CAMTA1: variants seen among roughly 807,000 people sequenced by gnomAD.
CAMTA1 encodes the protein calmodulin-binding transcription activator 1.
In CAMTA1, 27 loss-of-function variants were observed where a neutral mutation model predicts 170.9. The observed-to-expected ratio is 0.16, with a 90% CI of 0.12 to 0.22. CAMTA1 has a LOEUF of 0.22. Ranked by LOEUF, CAMTA1 falls within the 10% of genes least tolerant of loss-of-function variation. The pLI is 1.00. For missense variants in CAMTA1, 1,619 were observed against 2,217.2 expected, an observed-to-expected ratio of 0.73 and a Z score of 5.42; for synonymous variants, 833 against 891.5, an observed-to-expected ratio of 0.93 and a Z score of 1.17.
intron 1 of CAMTA1, among the ~76,000 whole-genome samples, chr1:6,809,117 C>T (rs1050529350): frequency 9.2e-5 from 14 of 151,690 alleles, no homozygotes; most frequent in African/African-American, 3.4e-4. Flanking sequence ...ACATCCACCT[C>T]TCAGGTTCAA....
At chr1:6,915,585 GA>G (rs1680603207) in intron 3 of CAMTA1, among the ~76,000 whole-genome samples, 1 of 152,196 alleles carries the variant, frequency 6.6e-6, no homozygotes, top group African/African-American at 2.4e-5. Flanking sequence ...AGAGAGAGTG[GA>G]CAACGTGGTC....
intron 11 of CAMTA1, among the ~76,000 whole-genome samples, chr1:7,691,756 G>A (rs2096315163): frequency 6.6e-6 from 1 of 152,210 alleles, no homozygotes; most frequent in Non-Finnish European, 1.5e-5. Context: ...GCGAGAGAGA[G>A]AGAGAAAGAG....
rs1044300449 is a variant in CAMTA1 at position 7,010,372 on chromosome 1, T to A, written c.235-80932T>A. The stretch of plus-strand genomic sequence containing the variant: ...GTTGAGCTCAGCTGTGCTCAGTGAC[T>A]TTGGGCCACGGGCTGTGGCGTCACA... On this transcript the variant is annotated intron_variant, in intron 3 of 22. Coordinates refer to ENST00000303635, the MANE Select transcript of CAMTA1 (RefSeq NM_015215.4). The surrounding 1 kb of genome is among the most constrained non-coding windows in gnomAD (Gnocchi z 4.4). Among the ~76,000 whole-genome samples, 4 of 152,188 alleles carry A rather than the reference T, an allele frequency of 2.6e-5. No individual in the cohort carries two copies. Among genetic ancestry groups the A allele is most frequent in the Admixed American group, 6.5e-5 (1 of 15,274 alleles).
At chr1:7,432,950 C>A (rs1318325165) in intron 5 of CAMTA1, among the ~76,000 whole-genome samples, 1 of 152,210 alleles carries the variant, frequency 6.6e-6, no homozygotes, top group Non-Finnish European at 1.5e-5. Context: ...AGGTTCTGCA[C>A]CGGGGCCAGC....
rs1645457878 is a variant in CAMTA1 at position 6,813,745 on chromosome 1, C to G, written c.46-6436C>G. On this transcript the variant is annotated intron_variant, in intron 1 of 22. Coordinates refer to ENST00000303635, the MANE Select transcript of CAMTA1 (RefSeq NM_015215.4). ...CAAACAGTCCTCCCGCCTCAGCCTC[C>G]CAGGTAGCTGGGACTACAGGTTCGA... 2.0e-5 allele frequency among the ~76,000 whole-genome samples: 3 copies of G among 152,054 alleles called. No homozygotes were observed. The South Asian group carries it at 6.2e-4, about 32-fold the overall frequency.
intron 5 of CAMTA1, among the ~76,000 whole-genome samples, chr1:7,444,042 G>A (rs1171235976): frequency 6.6e-6 from 1 of 152,174 alleles, no homozygotes; most frequent in Non-Finnish European, 1.5e-5. Flanking sequence ...CTGGGGCTGG[G>A]AGCAGGGAAA....
chr1:7,636,585 T>C (rs922765383), intron 6 of CAMTA1, among the ~76,000 whole-genome samples: 10 of 152,052 alleles, frequency 6.6e-5, no homozygotes, highest in African/African-American at 1.9e-4. Flanking sequence ...GGCAGATGCC[T>C]GTAATCCCAG....
chr1:7,639,576 C>T (rs748653485), intron 6 of CAMTA1, among the ~76,000 whole-genome samples: 8 of 152,064 alleles, frequency 5.3e-5, no homozygotes, highest in Non-Finnish European at 8.8e-5. Context: ...AGTTCAAGAC[C>T]AGCCTGGCCA....
intron 5 of CAMTA1, among the ~76,000 whole-genome samples, chr1:7,301,030 A>G (rs55839439): frequency 6.2e-4 from 95 of 152,116 alleles, no homozygotes; most frequent in Non-Finnish European, 1.3e-3. Context: ...TGCACTTTCT[A>G]AATATGAGTC....
intron 11 of CAMTA1, among the ~76,000 whole-genome samples, chr1:7,726,658 C>CT (rs375686167): frequency 5.3e-5 from 8 of 152,318 alleles, no homozygotes; most frequent in African/African-American, 1.9e-4. Context: ...AAACAGGCCT[C>CT]TGTGCACCTC....
At chr1:7,458,001 G>C (rs781505813) in intron 5 of CAMTA1, among the ~76,000 whole-genome samples, 1 of 152,146 alleles carries the variant, frequency 6.6e-6, no homozygotes, top group Non-Finnish European at 1.5e-5. Context: ...GGGCGCCCAC[G>C]TGTCCTGCGC....
intron 4 of CAMTA1, among the ~76,000 whole-genome samples, chr1:7,212,024 T>C (rs1658864533): frequency 6.6e-6 from 1 of 152,146 alleles, no homozygotes; most frequent in South Asian, 2.1e-4. Flanking sequence ...AAATCCTAAA[T>C]ATATATAAAA....
rs117472202 is a variant in CAMTA1, at chr1:7,021,228, C to T, written c.235-70076C>T. On this transcript the variant is annotated intron_variant, in intron 3 of 22. Transcript: ENST00000303635. ...AACGTGGCCGTGATGAATTGTGCTC[C>T]GGCAGGGCCTCGGCAGTGAAAAATG... Among the ~76,000 whole-genome samples, 291 of 152,302 alleles carry T rather than the reference C, an allele frequency of 1.9e-3. 8 individuals carry two copies. The South Asian group carries it at 0.042, about 22-fold the overall frequency.
intron 4 of CAMTA1, among the ~76,000 whole-genome samples, chr1:7,105,484 G>T (rs568205280): frequency 6.6e-6 from 1 of 152,248 alleles, no homozygotes. Context: ...TGGCTCGGAG[G>T]CAGAGGCGGA....
chr1:7,197,678 A>AC (rs57819326), intron 4 of CAMTA1, among the ~76,000 whole-genome samples: 9 of 139,210 alleles, frequency 6.5e-5, no homozygotes, highest in Admixed American at 1.5e-4. Context: ...ACACACACAC[A>AC]ATCTACTTGC....
chr1:6,898,797 T>C (rs576440962), intron 3 of CAMTA1, among the ~76,000 whole-genome samples: 17 of 152,218 alleles, frequency 1.1e-4, no homozygotes, highest in Non-Finnish European at 2.1e-4. Context: ...CAGGCCCAGC[T>C]AGCCTGATAC....
intron 22 of CAMTA1, among the ~76,000 whole-genome samples, chr1:7,761,623 A>C (rs2096976595): frequency 3.3e-5 from 5 of 152,180 alleles, no homozygotes; most frequent in African/African-American, 7.2e-5. Context: ...TGGATTTTCA[A>C]GTCTAATTCC....
intron 4 of CAMTA1, among the ~76,000 whole-genome samples, chr1:7,165,999 A>G (rs949957888): frequency 6.6e-6 from 1 of 152,152 alleles, no homozygotes; most frequent in Non-Finnish European, 1.5e-5. Flanking sequence ...TAACTGCTGT[A>G]TAGAATTTTA....
At chr1:7,364,596 G>C (rs2085820678) in intron 5 of CAMTA1, among the ~76,000 whole-genome samples, 1 of 152,126 alleles carries the variant, frequency 6.6e-6, no homozygotes, top group African/African-American at 2.4e-5. Context: ...TTCAACCTAT[G>C]CTAGAAGGCA....
Sources: gnomAD v4.1 joint callset for allele counts (sites outside exome capture counted in the v4.1 genomes callset) on GRCh38, gnomAD v4.1.1 for gene constraint, Gnocchi (gnomAD v3.1) non-coding constraint, MANE v1.5 for transcripts, NCBI Gene and HGNC (gene_info 2026-07-23, HGNC 2026-07-21) for gene names.